Variants in SLAMF1 observed in about 807,000 individuals in gnomAD.
SLAMF1 encodes the protein signaling lymphocytic activation molecule family member 1, also known as signaling lymphocytic activation molecule.
Under a neutral mutation model 35.1 loss-of-function variants are expected in SLAMF1, and 18 were observed. The observed-to-expected ratio is 0.51, with a 90% CI of 0.35 to 0.76. The LOEUF (loss-of-function observed/expected upper bound fraction) is 0.76. Among genes scored for constraint, SLAMF1 ranks in the 30% least tolerant of loss-of-function variants. The pLI, the probability that SLAMF1 is intolerant of heterozygous loss-of-function variation, is 0.01. For missense variants in SLAMF1, 392 were observed against 413.0 expected (o/e 0.95, Z 0.44); for synonymous variants, 168 against 157.2 (o/e 1.07, Z -0.51).
intron 6 of SLAMF1, among the ~76,000 whole-genome samples, chr1:160,611,074 C>T (rs372092774): frequency 6.6e-5 from 10 of 152,306 alleles, no homozygotes; most frequent in East Asian, 5.8e-4. Context: ...CCTCTTTGCC[C>T]TCTCCCCTTC....
At chr1:160,617,823 A>G (rs1299493367) in intron 5 of SLAMF1, among the ~76,000 whole-genome samples, 4 of 152,204 alleles carry the variant, frequency 2.6e-5, no homozygotes, top group South Asian at 2.1e-4. Flanking sequence ...CTGTAATCCC[A>G]GCACTTTGGG....
At chr1:160,618,700 T>A (rs1659445169) in intron 5 of SLAMF1, among the ~76,000 whole-genome samples, 1 of 151,956 alleles carries the variant, frequency 6.6e-6, no homozygotes, top group Non-Finnish European at 1.5e-5. Flanking sequence ...TTAATTTAAA[T>A]TTAAAAAGCT....
chr1:160,615,954 C>A (rs1381154676), intron 5 of SLAMF1, among the ~76,000 whole-genome samples: 1 of 152,152 alleles, frequency 6.6e-6, no homozygotes. Context: ...GAGGATGTGC[C>A]TCCTTGATTT....
chr1:160,624,021 T>A, intron 4 of SLAMF1, 75 bp downstream of exon 4: 1 of 1,050,968 alleles, frequency 9.5e-7, no homozygotes, highest in Non-Finnish European at 1.4e-6. Flanking sequence ...TGAGAGCAAG[T>A]CCGAGCCTGT....
At chr1:160,618,302 G>C (rs1659420782) in intron 5 of SLAMF1, among the ~76,000 whole-genome samples, 1 of 152,158 alleles carries the variant, frequency 6.6e-6, no homozygotes, top group South Asian at 2.1e-4. Flanking sequence ...ATGTGTTTAA[G>C]GGTAACTCAC....
At chr1:160,625,371 A>T (rs993788235) in intron 3 of SLAMF1, among the ~76,000 whole-genome samples, 1 of 152,192 alleles carries the variant, frequency 6.6e-6, no homozygotes, top group Non-Finnish European at 1.5e-5. Context: ...TTGAAAGAAA[A>T]ATAGTCGGGT....
Position 160,608,819 on chromosome 1 carries a change from AC to A in SLAMF1, c.*1928del, listed in dbSNP as rs1226955890. On this transcript the variant is annotated 3_prime_UTR_variant, in exon 7 of 7. Coordinates refer to ENST00000302035, the MANE Select transcript of SLAMF1 (RefSeq NM_003037.5). Reference sequence around the variant, plus strand: ...AGACAGTGAATGAGGGTAAGGTTATACAAGGGTGGCGTAGTGGATAATTGTG... The same window carrying A: ...AGACAGTGAATGAGGGTAAGGTTATAAAGGGTGGCGTAGTGGATAATTGTG... 7.2e-5 allele frequency: 11 copies of A among 152,206 alleles called. No homozygotes were observed. Among genetic ancestry groups the A allele is most frequent in the African/African-American group, 2.7e-4 (11 of 41,456 alleles). The allele number at this position is 152,206 out of a possible 1,614,324, so 9.4% of individuals were successfully genotyped here. A position where few individuals can be genotyped will look rare whatever the true frequency, so the allele number is the denominator to read the frequency against.
chr1:160,627,552 T>C (rs1018556427), intron 3 of SLAMF1, among the ~76,000 whole-genome samples: 3 of 152,254 alleles, frequency 2.0e-5, no homozygotes, highest in Non-Finnish European at 2.9e-5. Flanking sequence ...TAGGCCCAAG[T>C]ATTTTTATAC....
intron 5 of SLAMF1, among the ~76,000 whole-genome samples, chr1:160,618,544 TA>T (rs766292145): frequency 2.6e-5 from 4 of 152,096 alleles, no homozygotes; most frequent in Non-Finnish European, 5.9e-5. Context: ...CTCCTAGGTG[TA>T]TAGTGGCTAC....
intron 1 of SLAMF1, among the ~76,000 whole-genome samples, chr1:160,639,415 C>CG (rs1280114478): frequency 6.6e-6 from 1 of 151,982 alleles, no homozygotes; most frequent in Non-Finnish European, 1.5e-5. Flanking sequence ...TTAGTAAAGA[C>CG]GGGGTTTCAC....
At chr1:160,627,563 T>C (rs1448467560) in intron 3 of SLAMF1, among the ~76,000 whole-genome samples, 3 of 152,234 alleles carry the variant, frequency 2.0e-5, no homozygotes, top group South Asian at 2.1e-4. Flanking sequence ...ATTTTTATAC[T>C]TGGTGCTCAT....
At chr1:160,619,063 C>T (rs899245489) in intron 5 of SLAMF1, among the ~76,000 whole-genome samples, 1 of 152,120 alleles carries the variant, frequency 6.6e-6, no homozygotes, top group African/African-American at 2.4e-5. Context: ...CCTTCACATC[C>T]TTTACTCAAG....
chr1:160,640,836 A>G (rs915248891), intron 1 of SLAMF1, among the ~76,000 whole-genome samples: 1 of 152,204 alleles, frequency 6.6e-6, no homozygotes, highest in African/African-American at 2.4e-5. Flanking sequence ...TTGCGAATAT[A>G]TTAAGCTTAA....
chr1:160,637,075 G>T, intron 2 of SLAMF1, 116 bp downstream of exon 2: 2 of 687,218 alleles, frequency 2.9e-6, no homozygotes, highest in Admixed American at 2.7e-5. Context: ...CAAACTAGAA[G>T]ATCATTCTAG....
chr1:160,614,011 C>G (rs537175248), intron 5 of SLAMF1, among the ~76,000 whole-genome samples: 1 of 152,174 alleles, frequency 6.6e-6, no homozygotes, highest in African/African-American at 2.4e-5. Context: ...GATTCTATTT[C>G]GGAAGATCTG....
In SLAMF1 at chr1:160,637,222, A is replaced by C. The variant is rs1223932206; in HGVS notation, c.384T>G (p.Val128=). 1 of 1,614,092 alleles carries C rather than the reference A, an allele frequency of 6.2e-7. No homozygotes were observed. The highest frequency in any genetic ancestry group is 1.7e-5 in the Admixed American group (1 of 60,008). Residue 128 remains valine (V), a synonymous_variant, in exon 2 of 7, where the codon GTT becomes GTG. Transcript: ENST00000302035. The stretch of plus-strand genomic sequence containing the variant: ...GCCTCAACTGCAGGCAAAAGCGCTG[A>C]ACTGAAACATTTTTCTCCAGGGTCA... ...YLMTLEKNVS[V]QRFCLQLRLY... is the part of the protein sequence containing the mutation.
chr1:160,633,129 C>T (rs1171428111), intron 3 of SLAMF1, among the ~76,000 whole-genome samples: 2 of 152,118 alleles, frequency 1.3e-5, no homozygotes, highest in South Asian at 2.1e-4. Flanking sequence ...CTAGGACTTC[C>T]GGGGTCACAT....
chr1:160,612,462 G>T, intron 6 of SLAMF1, 26 bp downstream of exon 6: 2 of 1,474,950 alleles, frequency 1.4e-6, no homozygotes, highest in Non-Finnish European at 1.9e-6. Context: ...CCCTCTCTAC[G>T]GAGAGTAGGC....
intron 3 of SLAMF1, among the ~76,000 whole-genome samples, chr1:160,632,458 C>T (rs6704124): frequency 0.3 from 45,746 of 152,030 alleles, 7,282 homozygotes; most frequent in Middle Eastern, 0.36. Flanking sequence ...CTGGTTCCCA[C>T]TGGTGCATTC....
Sources: gnomAD v4.1 joint callset for allele counts (sites outside exome capture counted in the v4.1 genomes callset) on GRCh38, gnomAD v4.1.1 for gene constraint, MANE v1.5 for transcripts, NCBI Gene and HGNC (gene_info 2026-07-23, HGNC 2026-07-21) for gene names.